Variants in PRB4 observed in about 807,000 individuals in gnomAD.
PRB4 encodes basic salivary proline-rich protein 4.
Under a neutral mutation model 9.1 loss-of-function variants are expected in PRB4, and 14 were observed. That is an observed-to-expected ratio of 1.54 (90% CI 1.02 to 2.41). The LOEUF is 2.41. PRB4 is among the 30% of genes most tolerant of loss of function. The pLI is 0.00. For synonymous variants in PRB4, 102 were observed against 108.5 expected (o/e 0.94, Z 0.37); for missense variants, 381 against 299.3 (o/e 1.27, Z -2.02).
intron 1 of PRB4, among the ~76,000 whole-genome samples, chr12:11,309,985 G>T (rs891305350): frequency 3.3e-5 from 5 of 152,104 alleles, no homozygotes; most frequent in African/African-American, 1.2e-4. Context: ...GTACAGCAAG[G>T]CCACCATCAT....
In PRB4 at chr12:11,308,536, A is replaced by T. The variant is rs1052807; in HGVS notation, c.447T>A (p.Gly149=). Residue 149 remains glycine (G), a synonymous_variant, in exon 3 of 4, where the codon GGT becomes GGA. Transcript: ENST00000279575. ...GAGGTGGGGGACCTTGGGACTGGTT[A>T]CCTCCTTGTGGGGGTGGTCTTTCTG... The part of the protein sequence containing the change: ...GKPERPPPQG[G]NQSQGPPPHP... 3.2e-4 allele frequency: 262 copies of T among 819,386 alleles called. 1 individual carries two copies. Among genetic ancestry groups the T allele is most frequent in the African/African-American group, 1.5e-3 (64 of 42,136 alleles). 50.8% of individuals were successfully genotyped at this position (819,386 alleles called of 1,614,324 possible).
At position 11,308,318 on chromosome 12, in the gene PRB4, C is replaced by G. The variant is rs765978366; in HGVS notation, c.665G>C (p.Gly222Ala). ...NPQQPQAPPA[G>A]KPQGPPPPPQ... ...AGGTGGAGGTGGCCCCTGGGGCTTT[C>G]CAGCAGGAGGTGCCTGAGGCTGCTG... Residue 222 changes from glycine to alanine, a missense_variant, in exon 3 of 4, where the codon GGA (glycine) becomes GCA (alanine). This residue lies in a region of PRB4 where 204 missense variants were observed against 134.4 expected (regional missense o/e 1.52). Transcript: ENST00000279575. 5 of 1,610,238 alleles carry G rather than the reference C, an allele frequency of 3.1e-6. No homozygotes were observed. The highest frequency in any genetic ancestry group is 4.2e-6 in the Non-Finnish European group (5 of 1,178,012).
intron 2 of PRB4, 25 bp from the exon 3 acceptor site, chr12:11,308,907 C>A: frequency 6.2e-7 from 1 of 1,613,816 alleles, no homozygotes. Flanking sequence ...GGACATACGG[C>A]ATTCACTGAA....
intron 1 of PRB4, among the ~76,000 whole-genome samples, chr12:11,309,821 A>G (rs1011433102): frequency 1.3e-5 from 2 of 152,212 alleles, no homozygotes; most frequent in African/African-American, 4.8e-5. Context: ...CACTCCCAGC[A>G]CATTGAAATA....
chr12:11,310,421 C>G lies in PRB4; in HGVS notation c.-23G>C. 6.2e-7 allele frequency: 1 copy of G among 1,614,208 alleles called. No homozygotes were observed. The highest frequency in any genetic ancestry group is 8.5e-7 in the Non-Finnish European group (1 of 1,180,016). On this transcript the variant is annotated 5_prime_UTR_variant, in exon 1 of 4. Transcript: ENST00000279575. The stretch of plus-strand genomic sequence containing the variant: ...CATCTCGCTGGAGGCTCTGGAGTCA[C>G]TCCCAACTCTGTGCTGGGAGGAACG...
At chr12:11,308,165 A>T (rs1273394873) in intron 3 of PRB4, 56 bp downstream of exon 3, 1 of 1,542,188 alleles carries the variant, frequency 6.5e-7, no homozygotes, top group African/African-American at 1.4e-5. Context: ...TTGGCACAAT[A>T]AAGTTGGAGA....
At position 11,309,347 on chromosome 12, in the gene PRB4, A is replaced by T. The variant is rs769383193; in HGVS notation, c.100+23T>A. The T allele has an allele frequency of 1.2e-5, 19 of 1,614,010 alleles. 1 individual carries two copies. In the South Asian group the frequency reaches 1.9e-4, roughly 16 times the overall value. Reference sequence around the variant, plus strand: ...AAGCAGAAAAAGGGAGTCAAAACAGATTGAGAATGAATTGGGATTTACCTG... The same window carrying T: ...AAGCAGAAAAAGGGAGTCAAAACAGTTTGAGAATGAATTGGGATTTACCTG... On this transcript the variant is annotated intron_variant, in intron 2 of 3. Coordinates refer to ENST00000279575, the MANE Select transcript of PRB4 (RefSeq NM_002723.6).
chr12:11,308,133 T>C lies in PRB4; in HGVS notation c.*18+88A>G. The C allele has an allele frequency of 6.9e-6, 10 of 1,440,992 alleles. No homozygotes were observed. In the South Asian group the frequency reaches 1.3e-4, roughly 19 times the overall value. 89.3% of individuals were successfully genotyped at this position (1,440,992 alleles called of 1,614,324 possible). On this transcript the variant is annotated intron_variant, in intron 3 of 3. Coordinates refer to ENST00000279575, the MANE Select transcript of PRB4 (RefSeq NM_002723.6). ...AAATGGGTTCTAGGACAATACAATGTCAATGGGTTTTAGTTGATTCATTGG... is the reference window on the plus strand; with the variant it reads ...AAATGGGTTCTAGGACAATACAATGCCAATGGGTTTTAGTTGATTCATTGG...
Position 11,308,837 on chromosome 12 carries a change from C to T in PRB4, c.146G>A (p.Arg49His), listed in dbSNP as rs899648843. ...TGGCTTTCCTGGAGGAGGTGGGGGA[C>T]GTTGGGGCTGGTTTCCTCCTTGTGG... Reference protein sequence around the residue: ...RRPQGGNQPQRPPPPPGKPQG... With the variant: ...RRPQGGNQPQHPPPPPGKPQG... The change falls in exon 3 of 4, where the codon CGT (arginine) becomes CAT (histidine). Residue 49 changes from arginine (R) to histidine (H), a missense_variant. Transcript: ENST00000279575. 16 of 1,591,722 alleles carry T rather than the reference C, an allele frequency of 1.0e-5. No individual in the cohort carries two copies. Among genetic ancestry groups the T allele is most frequent in the African/African-American group, 5.4e-5 (4 of 73,664 alleles).
Position 11,308,524 on chromosome 12 carries a change from T to C in PRB4, c.459A>G (p.Gln153=). The C allele has an allele frequency of 1.9e-6, 3 of 1,594,266 alleles. No individual in the cohort carries two copies. The highest frequency in any genetic ancestry group is 2.6e-6 in the Non-Finnish European group (3 of 1,166,384). The change falls in exon 3 of 4, where the codon CAA becomes CAG. Residue 153 remains glutamine, a synonymous_variant. Coordinates refer to ENST00000279575, the MANE Select transcript of PRB4 (RefSeq NM_002723.6). ...GCTTTCCTGGATGAGGTGGGGGACC[T>C]TGGGACTGGTTACCTCCTTGTGGGG... ...RPPPQGGNQS[Q]GPPPHPGKPE... is the part of the protein sequence containing the mutation.
At chr12:11,308,111 T>C (rs1267536299) in intron 3 of PRB4, 110 bp downstream of exon 3, 3 of 1,261,962 alleles carry the variant, frequency 2.4e-6, no homozygotes, top group Non-Finnish European at 3.3e-6. Flanking sequence ...TTTTTAGAAA[T>C]GGGTTCTAGG....
chr12:11,308,196 GATGA>G lies in PRB4; in HGVS notation c.*18+21_*18+24del, dbSNP rs1283562104. 4 of 1,589,976 alleles carry G rather than the reference GATGA, an allele frequency of 2.5e-6. No homozygotes were observed. The East Asian group carries it at 8.9e-5, about 35-fold the overall frequency. Reference sequence around the variant, plus strand: ...GGAGAACTGTAGCAATTAGAGTCCTGATGAATAATAAAGTGGAATCATACCTGTC... The same window carrying G: ...GGAGAACTGTAGCAATTAGAGTCCTGATAATAAAGTGGAATCATACCTGTC... On this transcript the variant is annotated intron_variant, in intron 3 of 3. Coordinates refer to ENST00000279575, the MANE Select transcript of PRB4 (RefSeq NM_002723.6).
chr12:11,308,225 C>T lies in PRB4; in HGVS notation c.*14G>A, dbSNP rs779064877. ...AATAATAAAGTGGAATCATACCTGTCATTGAATCCTAGATTACTGGGGAGG... is the reference window on the plus strand; with the variant it reads ...AATAATAAAGTGGAATCATACCTGTTATTGAATCCTAGATTACTGGGGAGG... On this transcript the variant is annotated 3_prime_UTR_variant, in exon 3 of 4. Transcript: ENST00000279575. 1.1e-5 allele frequency: 17 copies of T among 1,607,488 alleles called. No homozygotes were observed. Among genetic ancestry groups the T allele is most frequent in the Non-Finnish European group, 1.4e-5 (16 of 1,177,434 alleles).
Position 11,308,477 on chromosome 12 carries a change from T to A in PRB4, c.506A>T (p.Glu169Val). 6.2e-7 allele frequency: 1 copy of A among 1,610,102 alleles called. No homozygotes were observed. Among genetic ancestry groups the A allele is most frequent in the Non-Finnish European group, 8.5e-7 (1 of 1,178,442 alleles). ...PGKPEGPPPQ[E>V]GNKSRSARSP... ...TCGGGCACTTCGGGACTTGTTTCCT[T>A]CCTGTGGGGGTGGTCCTTCTGGCTT... is the stretch of plus-strand genomic sequence containing the variant. The change falls in exon 3 of 4, where the codon GAA becomes GTA. Residue 169 changes from glutamate (E) to valine (V), a missense_variant. By Grantham distance (121) the Glu-to-Val change is moderately radical. Around this residue, in one of 3 missense-constraint regions of PRB4, gnomAD observed 204 missense variants for 134.4 expected, o/e 1.52. Coordinates refer to ENST00000279575, the MANE Select transcript of PRB4 (RefSeq NM_002723.6).
chr12:11,308,900 C>T lies in PRB4; in HGVS notation c.101-18G>A. ...TGGCTTTCCTGGAGGAGGTGGGGGA[C>T]ATACGGCATTCACTGAATAGTTGCC... On this transcript the variant is annotated intron_variant, in intron 2 of 3. Transcript: ENST00000279575. 1.3e-6 allele frequency: 2 copies of T among 1,597,814 alleles called. No individual in the cohort carries two copies. Among genetic ancestry groups the T allele is most frequent in the South Asian group, 2.2e-5 (2 of 90,338 alleles).
chr12:11,308,307 C>A lies in PRB4; in HGVS notation c.676G>T (p.Gly226Trp). The A allele has an allele frequency of 6.2e-7, 1 of 1,610,282 alleles. No homozygotes were observed. The highest frequency in any genetic ancestry group is 8.5e-7 in the Non-Finnish European group (1 of 1,178,014). ...PQAPPAGKPQ[G>W]PPPPPQGGRP... ...CCCCCTTGAGGAGGTGGAGGTGGCC[C>A]CTGGGGCTTTCCAGCAGGAGGTGCC... The change falls in exon 3 of 4, where the codon GGG becomes TGG. Residue 226 changes from glycine (G) to tryptophan (W), a missense_variant. By Grantham distance (184) the Gly-to-Trp change is radical (BLOSUM62 -2). Around this residue, in one of 3 missense-constraint regions of PRB4, gnomAD observed 204 missense variants for 134.4 expected, o/e 1.52. Transcript: ENST00000279575.
At chr12:11,310,299 A>G (rs778199290) in intron 1 of PRB4, 36 bp downstream of exon 1, 1 of 1,613,026 alleles carries the variant, frequency 6.2e-7, no homozygotes, top group South Asian at 1.1e-5. Context: ...CCTAAGTCCC[A>G]AGCAGTCACC....
At chr12:11,309,785 T>A (rs1863010485) in intron 1 of PRB4, among the ~76,000 whole-genome samples, 1 of 152,216 alleles carries the variant, frequency 6.6e-6, no homozygotes, top group Non-Finnish European at 1.5e-5. Context: ...CCAGAAGTAA[T>A]CATTTCAATA....
rs139997905 is a variant in PRB4, at chr12:11,308,777, T to C, written c.206A>G (p.Gln69Arg). The change falls in exon 3 of 4, where the codon CAA becomes CGA. Residue 69 changes from glutamine to arginine, a missense_variant. Physicochemically the swap from Gln to Arg is conservative, Grantham distance 43. This residue lies in a region of PRB4 where 151 missense variants were observed against 105.8 expected (regional missense o/e 1.43). Transcript: ENST00000279575. ...CTTTCCTGGAGGAGGTGGGGGACCTTGGGACTGGTTTCCTCCTTGTGGGGG... is the reference window on the plus strand; with the variant it reads ...CTTTCCTGGAGGAGGTGGGGGACCTCGGGACTGGTTTCCTCCTTGTGGGGG... Reference protein sequence around the residue: ...GPPPQGGNQSQGPPPPPGKPE... With the variant: ...GPPPQGGNQSRGPPPPPGKPE... 776 of 1,580,532 alleles carry C rather than the reference T, an allele frequency of 4.9e-4. 1 individual carries two copies. The African/African-American group carries it at 9.3e-3, about 19-fold the overall frequency.
Sources: gnomAD v4.1 joint callset for allele counts (sites outside exome capture counted in the v4.1 genomes callset) on GRCh38, gnomAD v4.1.1 for gene constraint, gnomAD v4.1.1 regional missense constraint, MANE v1.5 for transcripts, NCBI Gene and HGNC (gene_info 2026-07-23, HGNC 2026-07-21) for gene names.